The following IL16 variants were observed in gnomAD, a reference collection of about 807,000 sequenced individuals.
IL16 encodes interleukin 16, also known as pro-interleukin-16.
Under a neutral mutation model 110.1 loss-of-function variants are expected in IL16, and 67 were observed. That is an observed-to-expected ratio of 0.61 (90% CI 0.50 to 0.75). IL16 has a LOEUF of 0.75. Ranked by LOEUF, IL16 falls within the 30% of genes least tolerant of loss-of-function variation. The pLI is 0.00. For synonymous variants in IL16, 689 were observed against 662.9 expected, an observed-to-expected ratio of 1.04 and a Z score of -0.61; for missense variants, 1,545 against 1,655.0, an observed-to-expected ratio of 0.93 and a Z score of 1.15.
chr15:81,223,031 C>T lies in IL16; in HGVS notation c.-101-2268C>T, dbSNP rs116915396. On this transcript the variant is annotated intron_variant, in intron 1 of 18. Transcript: ENST00000683961. ...TAATGAGGTAAAAGAGAAAACTACT[C>T]TAAAAGCTTAAAACGTATGTATTCT... Among the ~76,000 whole-genome samples the T allele has an allele frequency of 8.0e-4, 122 of 152,272 alleles. 1 individual carries two copies. The East Asian group carries it at 0.022, about 28-fold the overall frequency.
In IL16 at chr15:81,310,984, C is replaced by T. The variant is rs967205607; in HGVS notation, c.*2186C>T. ...TCCTCCCCAAGGAGACACAACAACT[C>T]CTAGGGCCACTGAAGATATAACTAT... On this transcript the variant is annotated 3_prime_UTR_variant, in exon 19 of 19. Transcript: ENST00000683961. 6.6e-6 allele frequency: 1 copy of T among 152,236 alleles called. No individual in the cohort carries two copies. The highest frequency in any genetic ancestry group is 2.4e-5 in the African/African-American group (1 of 41,456). 9.4% of individuals were successfully genotyped at this position (152,236 alleles called of 1,614,324 possible).
At chr15:81,210,424 A>G (rs539104299) in intron 1 of IL16, among the ~76,000 whole-genome samples, 1 of 152,370 alleles carries the variant, frequency 6.6e-6, no homozygotes, top group East Asian at 1.9e-4. Flanking sequence ...TGATAGGAAT[A>G]GCATTCAATC....
intron 2 of IL16, among the ~76,000 whole-genome samples, chr15:81,231,840 T>G (rs999153557): frequency 1.2e-4 from 18 of 152,318 alleles, no homozygotes; most frequent in African/African-American, 4.1e-4. Context: ...CACCATTTTT[T>G]GGAAATCCTG....
rs958869333 is a variant in IL16, at chr15:81,300,359, T to C, written c.3033T>C (p.Cys1011=). ...TGTGCCTTCCATCTTCTATCTCCTG[T>C]GCCCAGACTCCCTGCATCCCCAAGG... is the stretch of plus-strand genomic sequence containing the variant. ...SLLCLPSSIS[C]AQTPCIPKEG... is the part of the protein sequence containing the mutation. The change falls in exon 14 of 19, where the codon TGT becomes TGC. Residue 1011 remains cysteine (C), a synonymous_variant. Coordinates refer to ENST00000683961, the MANE Select transcript of IL16 (RefSeq NM_172217.5). 3.7e-6 allele frequency: 6 copies of C among 1,614,190 alleles called. No individual in the cohort carries two copies. The highest frequency in any genetic ancestry group is 5.1e-6 in the Non-Finnish European group (6 of 1,180,030).
intron 4 of IL16, among the ~76,000 whole-genome samples, chr15:81,269,212 TG>T (rs1430339286): frequency 1.3e-5 from 2 of 152,264 alleles, no homozygotes; most frequent in Non-Finnish European, 2.9e-5. Context: ...AAATTCTGCC[TG>T]AGACCTGGCT....
At chr15:81,267,354 C>T (rs990778212) in intron 4 of IL16, among the ~76,000 whole-genome samples, 13 of 152,132 alleles carry the variant, frequency 8.5e-5, no homozygotes, top group Non-Finnish European at 1.6e-4. Context: ...GTGGGAGACT[C>T]AGTTATTCCC....
intron 9 of IL16, among the ~76,000 whole-genome samples, chr15:81,284,287 C>A (rs1316463675): frequency 1.3e-5 from 2 of 152,166 alleles, no homozygotes; most frequent in African/African-American, 4.8e-5. Context: ...GTTTTGCCAT[C>A]CTTTTAAAGG....
chr15:81,251,105 A>C (rs1398251302), intron 2 of IL16, among the ~76,000 whole-genome samples: 2 of 152,126 alleles, frequency 1.3e-5, no homozygotes, highest in African/African-American at 4.8e-5. Context: ...GCCTCCAGGT[A>C]TTCCTTACCC....
intron 14 of IL16, 109 bp from the exon 15 acceptor site, chr15:81,301,235 T>G: frequency 1.2e-6 from 1 of 843,706 alleles, no homozygotes; most frequent in Non-Finnish European, 1.8e-6. Flanking sequence ...CATCAAATAA[T>G]ATGCACATAA....
At chr15:81,232,593 T>C (rs1897047131) in intron 2 of IL16, among the ~76,000 whole-genome samples, 2 of 152,206 alleles carry the variant, frequency 1.3e-5, no homozygotes, top group Admixed American at 6.5e-5. Flanking sequence ...GAAATGATTT[T>C]TTCCTGCATT....
In IL16 at chr15:81,313,260, TCA is replaced by T; in HGVS notation, c.*4463_*4464del. 6 of 1,566,666 alleles carry T rather than the reference TCA, an allele frequency of 3.8e-6. No individual in the cohort carries two copies. Among genetic ancestry groups the T allele is most frequent in the Non-Finnish European group, 5.2e-6 (6 of 1,155,826 alleles). ...TGCCAAGAAGTAACGATAGCATTAC[TCA>T]TGGAATTGCTTCACTGCTTTCTGAA... On this transcript the variant is annotated 3_prime_UTR_variant, in exon 19 of 19. Transcript: ENST00000683961.
intron 4 of IL16, among the ~76,000 whole-genome samples, chr15:81,268,825 TTAGA>T (rs1389658700): frequency 3.3e-5 from 5 of 152,218 alleles, no homozygotes; most frequent in African/African-American, 7.2e-5. Context: ...AATGACACTA[TTAGA>T]TAGGCCCCAT....
At chr15:81,289,224 G>A (rs1490831531) in intron 10 of IL16, among the ~76,000 whole-genome samples, 1 of 152,122 alleles carries the variant, frequency 6.6e-6, no homozygotes, top group Non-Finnish European at 1.5e-5. Context: ...TTGGCTCACT[G>A]CACTGGGTTC....
chr15:81,220,145 CT>C (rs1184945876), intron 1 of IL16, among the ~76,000 whole-genome samples: 2 of 151,780 alleles, frequency 1.3e-5, no homozygotes, highest in East Asian at 1.9e-4. Context: ...AAAGATACTT[CT>C]TTTTTTTCGA....
intron 2 of IL16, among the ~76,000 whole-genome samples, chr15:81,244,879 T>A (rs1024576411): frequency 6.6e-6 from 1 of 152,176 alleles, no homozygotes; most frequent in South Asian, 2.1e-4. Flanking sequence ...TTTTTCTCTG[T>A]CTTGTTCAGA....
At chr15:81,206,054 A>G (rs575186905) in intron 1 of IL16, among the ~76,000 whole-genome samples, 18 of 152,372 alleles carry the variant, frequency 1.2e-4, no homozygotes, top group African/African-American at 3.1e-4. Context: ...TTAGATTTCA[A>G]TGTACACCAC....
In IL16 at chr15:81,197,061, T is replaced by C. The variant is rs1440480928; in HGVS notation, c.-193T>C. The C allele has an allele frequency of 2.3e-6, 3 of 1,288,638 alleles. No homozygotes were observed. The East Asian group carries it at 1.7e-4, about 72-fold the overall frequency. 79.8% of individuals were successfully genotyped at this position (1,288,638 alleles called of 1,614,324 possible). A position where few individuals can be genotyped will look rare whatever the true frequency, so the allele number is the denominator to read the frequency against. ...GGGCCACAGGCTGTCCGGGAATAAG[T>C]GGTGCTGCAATCCCTGCTGGGCAGA... On this transcript the variant is annotated 5_prime_UTR_variant, in exon 1 of 19. Coordinates refer to ENST00000683961, the MANE Select transcript of IL16 (RefSeq NM_172217.5).
At chr15:81,286,877 A>G (rs7167782) in intron 10 of IL16, among the ~76,000 whole-genome samples, 44,613 of 152,124 alleles carry the variant, frequency 0.29, 7,891 homozygotes, top group African/African-American at 0.49. Context: ...TCACAATCAC[A>G]GCAGAAGGTG....
rs111491632 is a variant in IL16 at position 81,250,642 on chromosome 15, A to G, written c.313-9130A>G. On this transcript the variant is annotated intron_variant, in intron 2 of 18. Transcript: ENST00000683961. Reference sequence around the variant, plus strand: ...ATTTGTTTCTGCCAGGTATTGGGGCACCACCAGCCTGGAATCATTTTAAAC... The same window carrying G: ...ATTTGTTTCTGCCAGGTATTGGGGCGCCACCAGCCTGGAATCATTTTAAAC... 8.1e-3 allele frequency among the ~76,000 whole-genome samples: 1,239 copies of G among 152,274 alleles called. 11 individuals are homozygous for G. Among genetic ancestry groups the G allele is most frequent in the Middle Eastern group, 0.02 (6 of 294 alleles).
Sources: allele counts gnomAD v4.1 joint callset (sites outside exome capture counted in the v4.1 genomes callset), GRCh38; gene constraint gnomAD v4.1.1; transcripts MANE v1.5; gene names NCBI Gene and HGNC (gene_info 2026-07-23, HGNC 2026-07-21).